FAM227B: variants seen among roughly 807,000 people sequenced by gnomAD.
FAM227B encodes protein FAM227B.
A neutral mutation model predicts 73.8 loss-of-function variants in FAM227B; 88 were observed. The observed-to-expected ratio is 1.19, with a 90% CI of 1.00 to 1.42. The LOEUF (loss-of-function observed/expected upper bound fraction) is 1.42, where lower values mean the gene tolerates loss of function less well. Among genes scored for constraint, FAM227B ranks in the 40% most tolerant of loss-of-function variants. FAM227B has a pLI of 0.00. For synonymous variants in FAM227B, 210 were observed against 190.5 expected, an observed-to-expected ratio of 1.10 and a Z score of -0.84; for missense variants, 632 against 590.9, an observed-to-expected ratio of 1.07 and a Z score of -0.72.
chr15:49,510,720 A>T (rs576990189), intron 10 of FAM227B, among the ~76,000 whole-genome samples: 5 of 152,162 alleles, frequency 3.3e-5, no homozygotes, highest in Non-Finnish European at 5.9e-5. Context: ...TCATTAATTT[A>T]CGCCTTATTT....
intron 10 of FAM227B, among the ~76,000 whole-genome samples, chr15:49,521,629 A>C (rs1370433881): frequency 6.6e-6 from 1 of 152,052 alleles, no homozygotes; most frequent in Non-Finnish European, 1.5e-5. Context: ...CCCTTCCTGC[A>C]AAAGAGTGCA....
chr15:49,544,719 T>C (rs965615213), intron 9 of FAM227B, among the ~76,000 whole-genome samples: 1 of 152,204 alleles, frequency 6.6e-6, no homozygotes, highest in Admixed American at 6.5e-5. Context: ...CATAAAGTGA[T>C]GCTGGATTTT....
intron 11 of FAM227B, among the ~76,000 whole-genome samples, chr15:49,431,098 T>C (rs1221177283): frequency 6.6e-6 from 1 of 151,860 alleles, no homozygotes; most frequent in Non-Finnish European, 1.5e-5. Flanking sequence ...AAATTTTATA[T>C]ATCTCACAAT....
intron 10 of FAM227B, among the ~76,000 whole-genome samples, chr15:49,534,964 A>G (rs2060899418): frequency 6.6e-6 from 1 of 151,692 alleles, no homozygotes; most frequent in Non-Finnish European, 1.5e-5. Context: ...GGAAATGTAT[A>G]GCAACGAATG....
intron 10 of FAM227B, among the ~76,000 whole-genome samples, chr15:49,528,751 A>ATAATGTGCT (rs2060392817): frequency 6.6e-6 from 1 of 151,962 alleles, no homozygotes; most frequent in African/African-American, 2.4e-5. Flanking sequence ...TGATTATCAG[A>ATAATGTGCT]GAAGCACATT....
At chr15:49,542,315 T>C (rs1386965137) in intron 9 of FAM227B, among the ~76,000 whole-genome samples, 1 of 152,094 alleles carries the variant, frequency 6.6e-6, no homozygotes, top group Admixed American at 6.5e-5. Flanking sequence ...TGGATTGTTG[T>C]TGTTGTTTTA....
chr15:49,367,576 A>C lies in FAM227B; in HGVS notation c.1143T>G (p.Asn381Lys), dbSNP rs770858827. 6 of 1,601,080 alleles carry C rather than the reference A, an allele frequency of 3.7e-6. No homozygotes were observed. In the South Asian group the frequency reaches 6.9e-5, roughly 18 times the overall value. Reference sequence around the variant, plus strand: ...GACCTCCAAAATTGAAGAGAACACGATTAAACTCTGGACCAGTACTACTAT... The same window carrying C: ...GACCTCCAAAATTGAAGAGAACACGCTTAAACTCTGGACCAGTACTACTAT... ...SHYSSTGPEF[N>K]RVLFNFGGQS... The change falls in exon 13 of 16, where the codon AAT becomes AAG. Residue 381 changes from asparagine to lysine, a missense_variant. Transcript: ENST00000299338.
At chr15:49,385,415 G>A (rs1259914469) in intron 11 of FAM227B, among the ~76,000 whole-genome samples, 4 of 151,744 alleles carry the variant, frequency 2.6e-5, no homozygotes, top group Admixed American at 1.3e-4. Context: ...CTTGGTAAGT[G>A]GATAAAATGA....
At chr15:49,526,000 A>G (rs2060176996) in intron 10 of FAM227B, among the ~76,000 whole-genome samples, 1 of 151,976 alleles carries the variant, frequency 6.6e-6, no homozygotes, top group Admixed American at 6.6e-5. Context: ...CCATCAAGGT[A>G]GAAAATCAAG....
At chr15:49,419,946 T>C (rs1334202952) in intron 11 of FAM227B, among the ~76,000 whole-genome samples, 1 of 152,112 alleles carries the variant, frequency 6.6e-6, no homozygotes, top group African/African-American at 2.4e-5. Flanking sequence ...TCCATGATGG[T>C]TACCTTCTCT....
chr15:49,517,490 T>A (rs1054087365), intron 10 of FAM227B, among the ~76,000 whole-genome samples: 2 of 152,092 alleles, frequency 1.3e-5, no homozygotes, highest in African/African-American at 2.4e-5. Context: ...TCTATTTGAG[T>A]CACAAATGTA....
At chr15:49,566,714 G>GA (rs1430132890) in intron 9 of FAM227B, among the ~76,000 whole-genome samples, 1 of 152,140 alleles carries the variant, frequency 6.6e-6, no homozygotes, top group Non-Finnish European at 1.5e-5. Flanking sequence ...TAAATGCATG[G>GA]ACAGGGAGTT....
chr15:49,379,873 G>A (rs1039677327), intron 11 of FAM227B, among the ~76,000 whole-genome samples: 2 of 152,094 alleles, frequency 1.3e-5, no homozygotes, highest in Non-Finnish European at 2.9e-5. Flanking sequence ...GCTCAAGGCC[G>A]GCTGTAACCA....
At chr15:49,445,375 G>A (rs2052098425) in intron 11 of FAM227B, among the ~76,000 whole-genome samples, 1 of 151,414 alleles carries the variant, frequency 6.6e-6, no homozygotes, top group Non-Finnish European at 1.5e-5. Flanking sequence ...TGCAGTATTT[G>A]GTTTTCTGTT....
At chr15:49,415,245 A>T (rs964060593) in intron 11 of FAM227B, among the ~76,000 whole-genome samples, 1 of 152,160 alleles carries the variant, frequency 6.6e-6, no homozygotes, top group African/African-American at 2.4e-5. Flanking sequence ...TGTAGAACCA[A>T]ATAATGACAA....
intron 11 of FAM227B, among the ~76,000 whole-genome samples, chr15:49,466,691 GTGA>G (rs1205155511): frequency 6.6e-6 from 1 of 152,166 alleles, no homozygotes; most frequent in Non-Finnish European, 1.5e-5. Flanking sequence ...CTGGACTAAT[GTGA>G]TGGCAATGGA....
chr15:49,462,433 C>G (rs915846162), intron 11 of FAM227B, among the ~76,000 whole-genome samples: 22 of 152,124 alleles, frequency 1.4e-4, no homozygotes, highest in African/African-American at 5.1e-4. Flanking sequence ...TGGCCTTAGT[C>G]CAGAAGTATT....
intron 11 of FAM227B, chr15:49,488,669 A>G: frequency 6.6e-6 from 1 of 152,154 alleles, no homozygotes; most frequent in Middle Eastern, 3.4e-3. Flanking sequence ...GAAATGTGAG[A>G]TGAAAATAAC....
intron 11 of FAM227B, among the ~76,000 whole-genome samples, chr15:49,396,817 A>C (rs2047701255): frequency 6.6e-6 from 1 of 151,670 alleles, no homozygotes; most frequent in Admixed American, 6.6e-5. Context: ...TAACAAACAG[A>C]AAGGACATCC....
Sources: gnomAD v4.1 joint callset for allele counts (sites outside exome capture counted in the v4.1 genomes callset) on GRCh38, gnomAD v4.1.1 for gene constraint, MANE v1.5 for transcripts, NCBI Gene and HGNC (gene_info 2026-07-23, HGNC 2026-07-21) for gene names.